Variants in UGT8 observed in about 807,000 individuals in gnomAD.
UGT8 encodes 2-hydroxyacylsphingosine 1-beta-galactosyltransferase.
A neutral mutation model predicts 40.5 loss-of-function variants in UGT8; 12 were observed. The observed-to-expected ratio is 0.30, with a 90% confidence interval of 0.19 to 0.48. UGT8 has a LOEUF of 0.48. Among genes scored for constraint, UGT8 ranks in the 20% least tolerant of loss-of-function variants. The pLI is 0.99. For missense variants in UGT8, 513 were observed against 648.7 expected (o/e 0.79, Z 2.27); for synonymous variants, 224 against 240.4 (o/e 0.93, Z 0.63).
intron 1 of UGT8, among the ~76,000 whole-genome samples, chr4:114,621,671 G>C (rs1035185829): frequency 6.6e-6 from 1 of 152,078 alleles, no homozygotes; most frequent in African/African-American, 2.4e-5. Context: ...ATGAACAGAT[G>C]TTCCATAGAT....
At chr4:114,673,487 G>T (rs1004979106) in intron 5 of UGT8, among the ~76,000 whole-genome samples, 1 of 152,202 alleles carries the variant, frequency 6.6e-6, no homozygotes, top group Non-Finnish European at 1.5e-5. Flanking sequence ...TGAGTCAGAT[G>T]TCAAGAGCTT....
At chr4:114,661,001 G>A (rs1734497491) in intron 2 of UGT8, among the ~76,000 whole-genome samples, 6 of 151,478 alleles carry the variant, frequency 4.0e-5, no homozygotes, top group African/African-American at 9.7e-5. Context: ...GTAGCTGATT[G>A]TCTCTGTCAT....
chr4:114,674,736 T>G (rs1441166034), intron 5 of UGT8, among the ~76,000 whole-genome samples: 1 of 152,232 alleles, frequency 6.6e-6, no homozygotes, highest in Non-Finnish European at 1.5e-5. Flanking sequence ...ATTTATCAAG[T>G]CTTCACACAT....
At chr4:114,622,280 G>T (rs1339246225) in intron 1 of UGT8, 1 of 151,470 alleles carries the variant, frequency 6.6e-6, no homozygotes, top group Non-Finnish European at 1.5e-5. Flanking sequence ...CAAAGGACAT[G>T]AACTCATCAT....
intron 1 of UGT8, among the ~76,000 whole-genome samples, chr4:114,599,575 C>T (rs1283869189): frequency 2.0e-5 from 3 of 152,244 alleles, no homozygotes; most frequent in Admixed American, 2.0e-4. Flanking sequence ...GCCCGCGCGA[C>T]TCTCGACAAT....
chr4:114,614,498 T>C (rs1460678421), intron 1 of UGT8, among the ~76,000 whole-genome samples: 1 of 152,188 alleles, frequency 6.6e-6, no homozygotes, highest in Non-Finnish European at 1.5e-5. Flanking sequence ...GAGTTTGTTA[T>C]CAGGCAAAGC....
intron 1 of UGT8, among the ~76,000 whole-genome samples, chr4:114,608,291 G>T (rs73846450): frequency 0.032 from 4,929 of 152,156 alleles, 245 homozygotes; most frequent in African/African-American, 0.11. Flanking sequence ...TAGCAATTAG[G>T]TTTCATTCTC....
intron 2 of UGT8, among the ~76,000 whole-genome samples, chr4:114,631,453 C>T (rs917950686): frequency 6.6e-5 from 10 of 152,222 alleles, no homozygotes; most frequent in African/African-American, 1.2e-4. Context: ...TGCCACTGCA[C>T]GCCAGCCTGG....
chr4:114,627,639 A>C (rs1732318180), intron 2 of UGT8, among the ~76,000 whole-genome samples: 1 of 152,208 alleles, frequency 6.6e-6, no homozygotes, highest in African/African-American at 2.4e-5. Flanking sequence ...TAATTTTATT[A>C]GCAGATAATC....
At chr4:114,601,558 C>G (rs1241129273) in intron 1 of UGT8, among the ~76,000 whole-genome samples, 1 of 151,656 alleles carries the variant, frequency 6.6e-6, no homozygotes, top group African/African-American at 2.4e-5. Context: ...TTCTCGGTAG[C>G]TGACTCTTCA....
intron 1 of UGT8, among the ~76,000 whole-genome samples, chr4:114,616,090 A>C (rs1731409261): frequency 6.6e-6 from 1 of 152,128 alleles, no homozygotes; most frequent in African/African-American, 2.4e-5. Flanking sequence ...TCAGATCTCC[A>C]GCTGCGTTCT....
At chr4:114,627,510 G>A (rs1030250861) in intron 2 of UGT8, among the ~76,000 whole-genome samples, 8 of 152,032 alleles carry the variant, frequency 5.3e-5, no homozygotes, top group East Asian at 3.9e-4. Flanking sequence ...TGCCCGTCTC[G>A]GCCTCCCAAA....
At chr4:114,621,759 A>G (rs1466609758) in intron 1 of UGT8, among the ~76,000 whole-genome samples, 7 of 152,210 alleles carry the variant, frequency 4.6e-5, no homozygotes, top group South Asian at 2.1e-4. Context: ...ATGTTTGAAA[A>G]TAGTTTACTG....
chr4:114,602,529 A>G (rs555051460), intron 1 of UGT8, among the ~76,000 whole-genome samples: 50 of 152,372 alleles, frequency 3.3e-4, no homozygotes, highest in African/African-American at 1.1e-3. Context: ...ACAAACATTC[A>G]TTCTTTTATT....
intron 1 of UGT8, among the ~76,000 whole-genome samples, chr4:114,618,849 T>G (rs1197639008): frequency 3.3e-5 from 5 of 152,136 alleles, no homozygotes; most frequent in Non-Finnish European, 7.4e-5. Context: ...AAGCAAATTT[T>G]TAACACTATT....
chr4:114,648,376 T>G (rs1288280015), intron 2 of UGT8, among the ~76,000 whole-genome samples: 2 of 150,264 alleles, frequency 1.3e-5, no homozygotes, highest in Non-Finnish European at 3.0e-5. Context: ...ATCTGGTTTT[T>G]TTTTTTTTTT....
intron 2 of UGT8, among the ~76,000 whole-genome samples, chr4:114,660,236 A>T (rs1734431391): frequency 6.6e-6 from 1 of 152,084 alleles, no homozygotes; most frequent in South Asian, 2.1e-4. Context: ...AGAAAATTAC[A>T]AAAAAATAAT....
At chr4:114,618,797 G>T (rs1456978961) in intron 1 of UGT8, among the ~76,000 whole-genome samples, 1 of 151,980 alleles carries the variant, frequency 6.6e-6, no homozygotes, top group African/African-American at 2.4e-5. Flanking sequence ...CTTTAAGGAA[G>T]GTTTAAGGTA....
At chr4:114,643,380 C>T (rs1316414225) in intron 2 of UGT8, among the ~76,000 whole-genome samples, 2 of 152,074 alleles carry the variant, frequency 1.3e-5, no homozygotes, top group Admixed American at 6.5e-5. Flanking sequence ...AAAATAGCAC[C>T]GAGCCATATA....
Sources: gnomAD v4.1 joint callset for allele counts (sites outside exome capture counted in the v4.1 genomes callset) on GRCh38, gnomAD v4.1.1 for gene constraint, MANE v1.5 for transcripts, NCBI Gene and HGNC (gene_info 2026-07-23, HGNC 2026-07-21) for gene names.